KIF2A: variants seen among roughly 807,000 people sequenced by gnomAD.
KIF2A encodes the protein kinesin-like protein KIF2A.
In KIF2A, 22 loss-of-function variants were observed where a neutral mutation model predicts 100.2. That is an observed-to-expected ratio of 0.22 (90% CI 0.16 to 0.31). The LOEUF (loss-of-function observed/expected upper bound fraction) is 0.31, where lower values mean the gene tolerates loss of function less well. Among genes scored for constraint, KIF2A ranks in the 10% least tolerant of loss-of-function variants. The pLI is 1.00. For synonymous variants in KIF2A, 268 were observed against 285.9 expected (o/e 0.94, Z 0.63); for missense variants, 495 against 898.7 (o/e 0.55, Z 5.74).
At chr5:62,351,796 G>A (rs1404496952) in intron 4 of KIF2A, among the ~76,000 whole-genome samples, 1 of 151,722 alleles carries the variant, frequency 6.6e-6, no homozygotes, top group African/African-American at 2.4e-5. Flanking sequence ...GAGGGTTGAA[G>A]CTAAGTTTTT....
intron 1 of KIF2A, among the ~76,000 whole-genome samples, chr5:62,325,919 A>T (rs1449223904): frequency 6.6e-6 from 1 of 152,212 alleles, no homozygotes; most frequent in African/African-American, 2.4e-5. Flanking sequence ...GTTAAGCTGG[A>T]GCTAAACATT....
At position 62,390,585 on chromosome 5, in the gene KIF2A, A is replaced by G. The variant is rs562267816; in HGVS notation, c.*5016A>G. Among the ~76,000 whole-genome samples, 8 of 152,326 alleles carry G rather than the reference A, an allele frequency of 5.3e-5. No individual in the cohort carries two copies. The highest frequency in any genetic ancestry group is 4.6e-4 in the Admixed American group (7 of 15,290). ...GACTATGAATGAGAGTTGGGGAAGG[A>G]GCAGGAAGGGAGGAACCTGCACACC... is the stretch of plus-strand genomic sequence containing the variant. On this transcript the variant is annotated 3_prime_UTR_variant, in exon 21 of 21. Transcript: ENST00000407818.
chr5:62,336,657 G>T (rs1463863488), intron 1 of KIF2A, among the ~76,000 whole-genome samples: 1 of 152,196 alleles, frequency 6.6e-6, no homozygotes, highest in East Asian at 1.9e-4. Context: ...GGAAAGAAAT[G>T]TGTAGCTTTA....
intron 16 of KIF2A, among the ~76,000 whole-genome samples, chr5:62,370,141 T>A (rs1018966929): frequency 6.6e-6 from 1 of 152,216 alleles, no homozygotes; most frequent in Non-Finnish European, 1.5e-5. Context: ...TAGACAGATG[T>A]GAAAGCAATG....
At chr5:62,324,574 A>G (rs1408257762) in intron 1 of KIF2A, among the ~76,000 whole-genome samples, 2 of 152,204 alleles carry the variant, frequency 1.3e-5, no homozygotes, top group Admixed American at 1.3e-4. Flanking sequence ...CAACCATCTG[A>G]TCTTCAGCAA....
At chr5:62,347,627 C>CT (rs3836810) in intron 2 of KIF2A, among the ~76,000 whole-genome samples, 1,623 of 148,224 alleles carry the variant, frequency 0.011, 84 homozygotes, top group Admixed American at 0.082. Context: ...GCACTGTATT[C>CT]TTTTTTTTTT....
chr5:62,362,432 A>G lies in KIF2A; in HGVS notation c.1028-18A>G, dbSNP rs763947049. ...TATTTGTTGGATCTCAATTTTCTGT[A>G]TATGAAATTTTTGACAGCTCGAGAT... On this transcript the variant is annotated intron_variant, in intron 11 of 20. Transcript: ENST00000407818. 6.4e-6 allele frequency: 8 copies of G among 1,249,330 alleles called. No homozygotes were observed. The Admixed American group carries it at 1.1e-4, about 17-fold the overall frequency. 77.4% of individuals were successfully genotyped at this position (1,249,330 alleles called of 1,614,324 possible).
intron 1 of KIF2A, among the ~76,000 whole-genome samples, chr5:62,325,267 G>A (rs953376528): frequency 1.3e-5 from 2 of 151,912 alleles, no homozygotes; most frequent in Non-Finnish European, 2.9e-5. Flanking sequence ...GGGATCATAG[G>A]TGCCCGCCAC....
chr5:62,334,842 C>T (rs75529643), intron 1 of KIF2A, among the ~76,000 whole-genome samples: 2,785 of 152,200 alleles, frequency 0.018, 90 homozygotes, highest in African/African-American at 0.064. Flanking sequence ...GCCTGCTCAG[C>T]GCAGCCCTCA....
chr5:62,375,747 AG>A (rs1741511376), intron 18 of KIF2A, among the ~76,000 whole-genome samples: 1 of 152,224 alleles, frequency 6.6e-6, no homozygotes, highest in African/African-American at 2.4e-5. Flanking sequence ...TGGCCCCCAA[AG>A]CAAAATGTAT....
rs907317418 is a variant in KIF2A at position 62,312,397 on chromosome 5, C to A, written c.64+5861C>A. Among the ~76,000 whole-genome samples, 8 of 152,240 alleles carry A rather than the reference C, an allele frequency of 5.3e-5. No individual in the cohort carries two copies. The East Asian group carries it at 1.3e-3, about 26-fold the overall frequency. On this transcript the variant is annotated intron_variant, in intron 1 of 20. Coordinates refer to ENST00000407818, the MANE Select transcript of KIF2A (RefSeq NM_001098511.3). Reference sequence around the variant, plus strand: ...AGATTCCCTGAGAGATCATCTAGACCCCGTTCTTTCTAGTCAGAAGTATAG... The same window carrying A: ...AGATTCCCTGAGAGATCATCTAGACACCGTTCTTTCTAGTCAGAAGTATAG...
intron 18 of KIF2A, 131 bp from the exon 19 acceptor site, chr5:62,377,530 A>G (rs1741602647): frequency 2.2e-6 from 1 of 446,766 alleles, no homozygotes. Flanking sequence ...CCTTTTATAT[A>G]TATTTTACTA....
intron 18 of KIF2A, among the ~76,000 whole-genome samples, chr5:62,374,089 G>T (rs564719366): frequency 6.6e-6 from 1 of 152,288 alleles, no homozygotes; most frequent in East Asian, 1.9e-4. Context: ...GTATACACCT[G>T]TAAGTCTAGC....
intron 16 of KIF2A, among the ~76,000 whole-genome samples, chr5:62,371,925 A>C (rs1160630730): frequency 6.6e-6 from 1 of 152,254 alleles, no homozygotes; most frequent in Admixed American, 6.5e-5. Flanking sequence ...ATATTTTCTC[A>C]GTTATACCAA....
intron 1 of KIF2A, among the ~76,000 whole-genome samples, chr5:62,336,408 C>T (rs1027044102): frequency 9.2e-5 from 14 of 152,186 alleles, no homozygotes; most frequent in African/African-American, 1.9e-4. Flanking sequence ...TATTCAGCCA[C>T]TGTGCACTGG....
At chr5:62,337,517 C>T (rs180981283) in intron 1 of KIF2A, among the ~76,000 whole-genome samples, 1 of 151,808 alleles carries the variant, frequency 6.6e-6, no homozygotes, top group Admixed American at 6.6e-5. Flanking sequence ...TTAGTATAAC[C>T]ATGATACCAA....
intron 16 of KIF2A, 32 bp downstream of exon 16, chr5:62,366,513 G>C (rs1361359931): frequency 1.5e-6 from 2 of 1,293,716 alleles, no homozygotes; most frequent in Non-Finnish European, 2.2e-6. Flanking sequence ...TTTGAAATTT[G>C]AGGGGAGTAC....
At chr5:62,365,894 ATT>A (rs1741042711) in intron 15 of KIF2A, among the ~76,000 whole-genome samples, 1 of 151,904 alleles carries the variant, frequency 6.6e-6, no homozygotes, top group South Asian at 2.1e-4. Context: ...TCAGCTAGGG[ATT>A]TGGGCAGTTT....
At position 62,366,107 on chromosome 5, in the gene KIF2A, A is replaced by G. The variant is rs34596001; in HGVS notation, c.1579-307A>G. Among the ~76,000 whole-genome samples the G allele has an allele frequency of 0.056, 8,498 of 152,108 alleles. 323 individuals carry two copies. The highest frequency in any genetic ancestry group is 0.13 in the East Asian group (695 of 5,160). The stretch of plus-strand genomic sequence containing the variant: ...GCAGCAAAGCTTGCCCTCTGTCAAA[A>G]AGCTGTTTAAAAAAAAAAAAGTCAG... On this transcript the variant is annotated intron_variant, in intron 15 of 20. Coordinates refer to ENST00000407818, the MANE Select transcript of KIF2A (RefSeq NM_001098511.3).
Sources: gnomAD v4.1 joint callset for allele counts (sites outside exome capture counted in the v4.1 genomes callset) on GRCh38, gnomAD v4.1.1 for gene constraint, MANE v1.5 for transcripts, NCBI Gene and HGNC (gene_info 2026-07-23, HGNC 2026-07-21) for gene names.